The following SULT2B1 variants were observed in gnomAD, a reference collection of about 807,000 sequenced individuals.
SULT2B1 encodes sulfotransferase 2B1.
Under a neutral mutation model 33.2 loss-of-function variants are expected in SULT2B1, and 16 were observed. The observed-to-expected ratio is 0.48, with a 90% CI of 0.33 to 0.73. The LOEUF (loss-of-function observed/expected upper bound fraction) is 0.73, where lower values mean the gene tolerates loss of function less well. Among genes scored for constraint, SULT2B1 ranks in the 30% least tolerant of loss-of-function variants. SULT2B1 has a pLI of 0.02. For synonymous variants in SULT2B1, 186 were observed against 200.5 expected (o/e 0.93, Z 0.61); for missense variants, 500 against 506.0 (o/e 0.99, Z 0.11).
At chr19:48,564,269 A>G (rs1440598770) in intron 1 of SULT2B1, among the ~76,000 whole-genome samples, 2 of 151,350 alleles carry the variant, frequency 1.3e-5, no homozygotes, top group Non-Finnish European at 2.9e-5. Context: ...ACAATAAAAA[A>G]TAGGTCGGGT....
chr19:48,565,141 G>A (rs571254436), intron 1 of SULT2B1, among the ~76,000 whole-genome samples: 6 of 151,742 alleles, frequency 4.0e-5, no homozygotes, highest in Non-Finnish European at 8.8e-5. Context: ...AGACGGGCTG[G>A]TCTCAAACAC....
chr19:48,578,604 C>T (rs1320035378), intron 2 of SULT2B1, among the ~76,000 whole-genome samples: 1 of 151,596 alleles, frequency 6.6e-6, no homozygotes, highest in Non-Finnish European at 1.5e-5. Flanking sequence ...GGGCCAGGCA[C>T]GGTGGCTCAT....
chr19:48,589,151 G>A (rs1478851216), intron 3 of SULT2B1, among the ~76,000 whole-genome samples: 1 of 152,222 alleles, frequency 6.6e-6, no homozygotes, highest in Non-Finnish European at 1.5e-5. Flanking sequence ...CCAGGGGAGG[G>A]GACGGTGGCT....
chr19:48,587,118 A>AAAT, intron 2 of SULT2B1, 111 bp from the exon 3 acceptor site: 1 of 841,736 alleles, frequency 1.2e-6, no homozygotes, highest in Admixed American at 2.5e-5. Context: ...TCTTAAAAAA[A>AAAT]AATAATAAAA....
intron 4 of SULT2B1, among the ~76,000 whole-genome samples, chr19:48,592,486 G>A (rs1159750938): frequency 1.3e-5 from 2 of 152,174 alleles, no homozygotes; most frequent in Non-Finnish European, 2.9e-5. Flanking sequence ...CAGGTGTGTG[G>A]AGGCGGACTG....
At chr19:48,569,559 A>G (rs112617333) in intron 1 of SULT2B1, among the ~76,000 whole-genome samples, 98,267 of 150,530 alleles carry the variant, frequency 0.65, 32,464 homozygotes, top group African/African-American at 0.76. Context: ...TTGGGTTCTC[A>G]CTCTGTGTAG....
At chr19:48,561,653 C>T (rs1973182813) in intron 1 of SULT2B1, among the ~76,000 whole-genome samples, 3 of 152,028 alleles carry the variant, frequency 2.0e-5, no homozygotes, top group Non-Finnish European at 2.9e-5. Flanking sequence ...ACAGTGAGAA[C>T]GGAACACTGG....
chr19:48,556,817 C>T (rs185409936), intron 1 of SULT2B1, among the ~76,000 whole-genome samples: 9 of 151,468 alleles, frequency 5.9e-5, no homozygotes, highest in Admixed American at 1.3e-4. Flanking sequence ...CAGAGTTGTG[C>T]CACACACCTG....
In SULT2B1 at chr19:48,576,083, G is replaced by A; in HGVS notation, c.214G>A (p.Gly72Ser). ...CTTTATCATCACCTACCCCAAGTCA[G>A]GTACCTGCCGGGCTGCGGGCGTCGG... The part of the protein sequence containing the change: ...DIFIITYPKS[G>S]TTWMIEIICL... The change falls in exon 2 of 7, where the codon GGC (glycine) becomes AGC (serine). Residue 72 changes from glycine (G) to serine (S), a missense_variant and splice_region_variant. Transcript: ENST00000201586. The A allele has an allele frequency of 6.2e-7, 1 of 1,607,976 alleles. No individual in the cohort carries two copies. The highest frequency in any genetic ancestry group is 8.5e-7 in the Non-Finnish European group (1 of 1,177,032).
intron 1 of SULT2B1, among the ~76,000 whole-genome samples, chr19:48,560,806 C>T (rs1358591334): frequency 2.0e-5 from 3 of 150,988 alleles, no homozygotes; most frequent in African/African-American, 7.3e-5. Flanking sequence ...AGTAAATATA[C>T]AGAAATTAGG....
At chr19:48,585,665 G>A (rs10416980) in intron 2 of SULT2B1, among the ~76,000 whole-genome samples, 20,828 of 148,566 alleles carry the variant, frequency 0.14, 1,766 homozygotes, top group African/African-American at 0.24. Context: ...GCAAAACTCC[G>A]TCTCAAAAAG....
In SULT2B1 at chr19:48,552,222, G is replaced by A. The variant is rs543636984; in HGVS notation, c.-31G>A. On this transcript the variant is annotated 5_prime_UTR_variant, in exon 1 of 7. Coordinates refer to ENST00000201586, the MANE Select transcript of SULT2B1 (RefSeq NM_177973.2). This position sits in a 1 kb window ranked among gnomAD's most constrained non-coding sequence, Gnocchi z 4.8. ...CCTCTGTGCCGCCTGCTCCCTGCTCGTCCTCCCCTCCCCACCCTCACCCAC... is the reference window on the plus strand; with the variant it reads ...CCTCTGTGCCGCCTGCTCCCTGCTCATCCTCCCCTCCCCACCCTCACCCAC... 1.8e-5 allele frequency: 29 copies of A among 1,610,086 alleles called. No homozygotes were observed. Among genetic ancestry groups the A allele is most frequent in the African/African-American group, 8.0e-5 (6 of 74,978 alleles).
chr19:48,559,979 TAAAAAG>T (rs963307264), intron 1 of SULT2B1, among the ~76,000 whole-genome samples: 3 of 146,632 alleles, frequency 2.0e-5, no homozygotes, highest in Non-Finnish European at 3.0e-5. Context: ...AAAAAAAAAT[TAAAAAG>T]AAAAGAAGAA....
chr19:48,554,321 C>T (rs1346698283), intron 1 of SULT2B1, among the ~76,000 whole-genome samples: 1 of 150,138 alleles, frequency 6.7e-6, no homozygotes, highest in East Asian at 2.0e-4. Flanking sequence ...ATTCGCACCT[C>T]CTCCCAGGTT....
chr19:48,573,207 A>G (rs904310361), intron 1 of SULT2B1, among the ~76,000 whole-genome samples: 9 of 150,674 alleles, frequency 6.0e-5, no homozygotes, highest in African/African-American at 1.5e-4. Context: ...AGGCAGAACC[A>G]TTCACCCTCC....
chr19:48,559,478 C>T (rs1298920896), intron 1 of SULT2B1, among the ~76,000 whole-genome samples: 1 of 152,186 alleles, frequency 6.6e-6, no homozygotes, highest in Non-Finnish European at 1.5e-5. Flanking sequence ...TCAAGCGATT[C>T]TCCTGCCTCA....
intron 1 of SULT2B1, among the ~76,000 whole-genome samples, chr19:48,564,938 G>A (rs963409287): frequency 7.9e-5 from 12 of 151,668 alleles, no homozygotes; most frequent in African/African-American, 1.2e-4. Flanking sequence ...CTACAGGTGC[G>A]TGCCACCACG....
At chr19:48,596,665 T>G (rs1973718852) in intron 5 of SULT2B1, 74 bp from the exon 6 acceptor site, 14 of 1,455,500 alleles carry the variant, frequency 9.6e-6, no homozygotes, top group Non-Finnish European at 1.3e-5. Flanking sequence ...GACCCAGACA[T>G]GCGGATCCCA....
chr19:48,575,769 C>T, intron 1 of SULT2B1, 172 bp from the exon 2 acceptor site: 1 of 1,231,844 alleles, frequency 8.1e-7, no homozygotes, highest in Non-Finnish European at 1.1e-6. Context: ...GAGTGTGCCA[C>T]TGCGCCTGAC....
Sources: allele counts gnomAD v4.1 joint callset (sites outside exome capture counted in the v4.1 genomes callset), GRCh38; gene constraint gnomAD v4.1.1; non-coding constraint Gnocchi (gnomAD v3.1); transcripts MANE v1.5; gene names NCBI Gene and HGNC (gene_info 2026-07-23, HGNC 2026-07-21).